Variants in ATP8B4 observed in about 807,000 individuals in gnomAD.
ATP8B4 encodes the protein ATPase phospholipid transporting 8B4 (putative).
ATP8B4 carries 133 observed loss-of-function variants against 145.6 expected under a neutral mutation model. The ratio of observed to expected loss-of-function variants is 0.91; its 90% CI spans 0.79 to 1.05. The LOEUF (loss-of-function observed/expected upper bound fraction) is 1.05. Among genes scored for constraint, ATP8B4 ranks in the 50% least tolerant of loss-of-function variants. The probability of loss-of-function intolerance (pLI) is 0.00; values close to 1 mark genes in which losing one functional copy is unlikely to be tolerated. For synonymous variants in ATP8B4, 507 were observed against 492.9 expected (o/e 1.03, Z -0.38); for missense variants, 1,458 against 1,425.2 (o/e 1.02, Z -0.37).
At chr15:50,159,179 T>C (rs936549313) in intron 1 of ATP8B4, among the ~76,000 whole-genome samples, 1 of 152,264 alleles carries the variant, frequency 6.6e-6, no homozygotes, top group African/African-American at 2.4e-5. Context: ...CAAATTCTTG[T>C]ATCAATGTTT....
intron 7 of ATP8B4, chr15:50,009,537 A>G (rs931011337): frequency 1.9e-5 from 7 of 366,602 alleles, no homozygotes; most frequent in South Asian, 1.2e-4. Flanking sequence ...CTTTACTGTC[A>G]CTGAAAGAAT....
At chr15:49,882,116 C>T (rs1304336672) in intron 23 of ATP8B4, among the ~76,000 whole-genome samples, 1 of 152,016 alleles carries the variant, frequency 6.6e-6, no homozygotes, top group East Asian at 1.9e-4. Context: ...TCATCATGAT[C>T]TCTACCCTCG....
intron 3 of ATP8B4, among the ~76,000 whole-genome samples, chr15:50,051,952 T>C (rs1007618737): frequency 6.6e-6 from 1 of 152,236 alleles, no homozygotes; most frequent in African/African-American, 2.4e-5. Context: ...GTTCTACTCG[T>C]TCTGTTGTAA....
intron 14 of ATP8B4, 92 bp from the exon 15 acceptor site, chr15:49,934,274 G>C (rs1460259897): frequency 1.8e-5 from 25 of 1,404,596 alleles, no homozygotes; most frequent in Non-Finnish European, 2.3e-5. Flanking sequence ...AGTATTTTTA[G>C]TGTATTATTT....
chr15:50,109,120 C>T (rs887905314), intron 1 of ATP8B4, among the ~76,000 whole-genome samples: 3 of 152,144 alleles, frequency 2.0e-5, no homozygotes, highest in African/African-American at 7.2e-5. Context: ...ACACCCTTAT[C>T]TTCAGCCTGG....
At chr15:50,003,168 A>G (rs542318691) in intron 7 of ATP8B4, among the ~76,000 whole-genome samples, 1 of 152,238 alleles carries the variant, frequency 6.6e-6, no homozygotes, top group Admixed American at 6.5e-5. Context: ...ATTTTTAAAA[A>G]CATTAGAATT....
intron 17 of ATP8B4, 39 bp downstream of exon 17, chr15:49,923,340 A>G (rs967674911): frequency 6.4e-6 from 9 of 1,417,246 alleles, no homozygotes; most frequent in Non-Finnish European, 8.9e-6. Context: ...GGAGATGGCA[A>G]AAGGGCCATT....
At chr15:50,059,064 C>T (rs1041096484) in intron 3 of ATP8B4, among the ~76,000 whole-genome samples, 15 of 152,010 alleles carry the variant, frequency 9.9e-5, no homozygotes, top group Admixed American at 2.0e-4. Flanking sequence ...TCATGCACAA[C>T]GGGTTTGAGG....
intron 26 of ATP8B4, among the ~76,000 whole-genome samples, chr15:49,863,596 C>A (rs370488218): frequency 1.3e-5 from 2 of 152,154 alleles, no homozygotes; most frequent in South Asian, 4.1e-4. Context: ...GAGGGCTTGG[C>A]TACTGAATGG....
chr15:50,034,428 C>G (rs1462635571), intron 6 of ATP8B4, among the ~76,000 whole-genome samples: 1 of 151,950 alleles, frequency 6.6e-6, no homozygotes, highest in East Asian at 1.9e-4. Context: ...TGGGGTTTCA[C>G]CATGTTGGTC....
At chr15:49,985,843 T>G (rs1029435495) in intron 10 of ATP8B4, among the ~76,000 whole-genome samples, 1 of 152,136 alleles carries the variant, frequency 6.6e-6, no homozygotes, top group East Asian at 1.9e-4. Flanking sequence ...ACTGAGCCTT[T>G]AAAATGACCC....
chr15:50,124,286 C>A (rs1463256616), intron 1 of ATP8B4, among the ~76,000 whole-genome samples: 1 of 152,074 alleles, frequency 6.6e-6, no homozygotes, highest in Non-Finnish European at 1.5e-5. Flanking sequence ...AATTACTTAA[C>A]CTTTTATGAA....
At chr15:50,000,620 T>C (rs1203026568) in intron 8 of ATP8B4, among the ~76,000 whole-genome samples, 1 of 152,154 alleles carries the variant, frequency 6.6e-6, no homozygotes, top group Non-Finnish European at 1.5e-5. Context: ...GTCAAATAGA[T>C]GGTTTACAAA....
At chr15:50,119,508 AG>A (rs1417281965), upstream of ATP8B4, 1 of 152,244 alleles carries the variant, frequency 6.6e-6, no homozygotes, top group Non-Finnish European at 1.5e-5. Context: ...TCCTGCTGAC[AG>A]GACAGAACTG....
intron 14 of ATP8B4, among the ~76,000 whole-genome samples, chr15:49,940,937 T>G (rs570736040): frequency 6.6e-6 from 1 of 151,798 alleles, no homozygotes; most frequent in South Asian, 2.1e-4. Context: ...TCGAGAGACA[T>G]AGAGAGAAAG....
At position 49,962,034 on chromosome 15, in the gene ATP8B4, A is replaced by G; in HGVS notation, c.1244-14T>C. ...CATGTACTTCACCTGACAAAACAAAAATTGAGAATTAAAAGTAAGTGAAAC... is the reference window on the plus strand; with the variant it reads ...CATGTACTTCACCTGACAAAACAAAGATTGAGAATTAAAAGTAAGTGAAAC... On this transcript the variant is annotated splice_polypyrimidine_tract_variant and intron_variant, in intron 13 of 27. Transcript: ENST00000284509. The G allele has an allele frequency of 6.3e-7, 1 of 1,584,562 alleles. No individual in the cohort carries two copies. Among genetic ancestry groups the G allele is most frequent in the Non-Finnish European group, 8.6e-7 (1 of 1,168,484 alleles).
At chr15:50,030,586 T>C (rs2050358545) in intron 6 of ATP8B4, among the ~76,000 whole-genome samples, 1 of 152,202 alleles carries the variant, frequency 6.6e-6, no homozygotes, top group Admixed American at 6.5e-5. Context: ...GGATTTCATG[T>C]TGCTGGCTAA....
At chr15:49,921,350 A>G (rs997257826) in intron 17 of ATP8B4, among the ~76,000 whole-genome samples, 1 of 152,186 alleles carries the variant, frequency 6.6e-6, no homozygotes, top group African/African-American at 2.4e-5. Context: ...AGTCAAACTG[A>G]TTGGGGAAGC....
chr15:49,861,403 T>TGC (rs1491519593), intron 27 of ATP8B4, among the ~76,000 whole-genome samples: 1 of 40,170 alleles, frequency 2.5e-5, no homozygotes, highest in African/African-American at 6.8e-5. Flanking sequence ...TAAAAAAAAA[T>TGC]GTGTGTGTGT....
Sources: gnomAD v4.1 joint callset for allele counts (sites outside exome capture counted in the v4.1 genomes callset) on GRCh38, gnomAD v4.1.1 for gene constraint, MANE v1.5 for transcripts, NCBI Gene and HGNC (gene_info 2026-07-23, HGNC 2026-07-21) for gene names.